SEPTIN9: variants seen among roughly 807,000 people sequenced by gnomAD.
SEPTIN9 encodes the protein septin 9.
A neutral mutation model predicts 56.6 loss-of-function variants in SEPTIN9; 13 were observed. The ratio of observed to expected loss-of-function variants is 0.23; its 90% CI spans 0.15 to 0.37. The LOEUF is 0.37. Ranked by LOEUF, SEPTIN9 falls within the 10% of genes least tolerant of loss-of-function variation. The pLI, the probability that SEPTIN9 is intolerant of heterozygous loss-of-function variation, is 1.00. For missense variants in SEPTIN9, 650 were observed against 823.1 expected (o/e 0.79, Z 2.57); for synonymous variants, 332 against 334.1 (o/e 0.99, Z 0.07).
In SEPTIN9 at chr17:77,389,369, T is replaced by A. The variant is rs774610115; in HGVS notation, c.77-12690T>A. Among the ~76,000 whole-genome samples, 1 of 152,074 alleles carries A rather than the reference T, an allele frequency of 6.6e-6. No homozygotes were observed. Among genetic ancestry groups the A allele is most frequent in the Non-Finnish European group, 1.5e-5 (1 of 67,990 alleles). ...GCATCACGTTTCTCTGTCTCCAGAA[T>A]CGAGGACGGAGAGCTGCCAGAGAGG... On this transcript the variant is annotated intron_variant, in intron 2 of 11. Coordinates refer to ENST00000427177, the MANE Select transcript of SEPTIN9 (RefSeq NM_001113491.2). The surrounding 1 kb of genome is among the most constrained non-coding windows in gnomAD (Gnocchi z 4.3).
intron 2 of SEPTIN9, among the ~76,000 whole-genome samples, chr17:77,309,886 C>T (rs1404066405): frequency 6.6e-6 from 1 of 152,232 alleles, no homozygotes; most frequent in African/African-American, 2.4e-5. Flanking sequence ...ATCCTAGCCC[C>T]ACTCCTGCTG....
At position 77,389,419 on chromosome 17, in the gene SEPTIN9, C is replaced by A. The variant is rs1353497340; in HGVS notation, c.77-12640C>A. The stretch of plus-strand genomic sequence containing the variant: ...GCCCTGGCGGGGTGTCTGGGGCCAC[C>A]TAAAGGGCGTGGGTGGATTAAAGCT... On this transcript the variant is annotated intron_variant, in intron 2 of 11. Coordinates refer to ENST00000427177, the MANE Select transcript of SEPTIN9 (RefSeq NM_001113491.2). The surrounding 1 kb of genome is among the most constrained non-coding windows in gnomAD (Gnocchi z 4.3). Among the ~76,000 whole-genome samples, 1 of 151,640 alleles carries A rather than the reference C, an allele frequency of 6.6e-6. No homozygotes were observed. The highest frequency in any genetic ancestry group is 2.4e-5 in the African/African-American group (1 of 41,238).
chr17:77,482,233 A>G lies in SEPTIN9; in HGVS notation c.811A>G (p.Lys271Glu). 6.2e-7 allele frequency: 1 copy of G among 1,612,980 alleles called. No individual in the cohort carries two copies. The highest frequency in any genetic ancestry group is 1.3e-5 in the African/African-American group (1 of 75,058). The change falls in exon 4 of 12, where the codon AAG (lysine) becomes GAG (glutamate). Residue 271 changes from lysine to glutamate, a missense_variant. Physicochemically the swap from Lys to Glu is moderately conservative, Grantham distance 56. Around this residue, in one of 2 missense-constraint regions of SEPTIN9, gnomAD observed 333 missense variants for 494.0 expected, o/e 0.67. Transcript: ENST00000427177. ...GCAGGCGCCTGCATCACGGAACGAG[A>G]AGGCCCCGGTGGACTTCGGCTACGT... Reference protein sequence around the residue: ...LKQAPASRNEKAPVDFGYVGI... With the variant: ...LKQAPASRNEEAPVDFGYVGI...
intron 3 of SEPTIN9, among the ~76,000 whole-genome samples, chr17:77,464,689 C>T (rs2038633087): frequency 6.6e-6 from 1 of 152,060 alleles, no homozygotes; most frequent in Non-Finnish European, 1.5e-5. Flanking sequence ...CAAGCTTCGC[C>T]TCCCAGGTTC....
At chr17:77,289,381 G>A (rs2031428688) in intron 1 of SEPTIN9, among the ~76,000 whole-genome samples, 1 of 150,150 alleles carries the variant, frequency 6.7e-6, no homozygotes, top group Non-Finnish European at 1.5e-5. Context: ...ACAGGCATGA[G>A]CTACCGCGCC....
intron 1 of SEPTIN9, among the ~76,000 whole-genome samples, chr17:77,284,740 C>G (rs1449641542): frequency 6.6e-6 from 1 of 152,156 alleles, no homozygotes; most frequent in Non-Finnish European, 1.5e-5. Context: ...AGTGATTCTC[C>G]TGCCTCAGCC....
At chr17:77,497,718 G>A (rs1236127971) in intron 11 of SEPTIN9, 9 of 408,704 alleles carry the variant, frequency 2.2e-5, no homozygotes, top group Middle Eastern at 7.5e-4. Flanking sequence ...CTCCAGCTCC[G>A]ATCCCACTGG....
intron 3 of SEPTIN9, among the ~76,000 whole-genome samples, chr17:77,410,975 C>T (rs770718254): frequency 6.6e-6 from 1 of 151,916 alleles, no homozygotes; most frequent in Non-Finnish European, 1.5e-5. Context: ...GTCCCAGCTG[C>T]TTGGGAGGCT....
chr17:77,328,094 G>GCCCAGGGTGTCCCCGTA (rs1163455891), intron 2 of SEPTIN9, among the ~76,000 whole-genome samples: 1 of 148,196 alleles, frequency 6.7e-6, no homozygotes, highest in Non-Finnish European at 1.5e-5. Flanking sequence ...GCATCCCCAT[G>GCCCAGGGTGTCCCCGTA]CCCAGGGTGT....
chr17:77,441,972 T>C (rs951387235), intron 3 of SEPTIN9: 1 of 152,122 alleles, frequency 6.6e-6, no homozygotes, highest in African/African-American at 2.4e-5. Context: ...TCTACCCTCT[T>C]AGGTTCAGTG....
chr17:77,482,319 C>A lies in SEPTIN9; in HGVS notation c.897C>A (p.Phe299Leu). 6.2e-7 allele frequency: 1 copy of A among 1,612,712 alleles called. No homozygotes were observed. Among genetic ancestry groups the A allele is most frequent in the East Asian group, 2.2e-5 (1 of 44,878 alleles). ...AGGCCATGAAGCAGGGCTTCGAGTT[C>A]AACATCATGGTGGTCGGTGAGTCCT... The part of the protein sequence containing the change: ...RRKAMKQGFE[F>L]NIMVVGQSGL... The change falls in exon 4 of 12, where the codon TTC (phenylalanine) becomes TTA (leucine). Residue 299 changes from phenylalanine to leucine, a missense_variant. By Grantham distance (22) the Phe-to-Leu change is conservative. Around this residue, in one of 2 missense-constraint regions of SEPTIN9, gnomAD observed 333 missense variants for 494.0 expected, o/e 0.67. Coordinates refer to ENST00000427177, the MANE Select transcript of SEPTIN9 (RefSeq NM_001113491.2).
rs1215085220 is a variant in SEPTIN9, at chr17:77,402,568, G to A, written c.586G>A (p.Ala196Thr). The stretch of plus-strand genomic sequence containing the variant: ...GGTGGAGATCCAGATGCCCAAGCCT[G>A]CTGAGGCGCCCACCGCCCCCAGCCC... ...KRVEIQMPKP[A>T]EAPTAPSPAQ... Residue 196 changes from alanine to threonine, a missense_variant, in exon 3 of 12, where the codon GCT becomes ACT. Ala to Thr is a moderately conservative substitution (Grantham distance 58). Coordinates refer to ENST00000427177, the MANE Select transcript of SEPTIN9 (RefSeq NM_001113491.2). This position sits in a 1 kb window ranked among gnomAD's most constrained non-coding sequence, Gnocchi z 6.6. 6.2e-7 allele frequency: 1 copy of A among 1,611,086 alleles called. No individual in the cohort carries two copies. Among genetic ancestry groups the A allele is most frequent in the Non-Finnish European group, 8.5e-7 (1 of 1,178,998 alleles).
intron 2 of SEPTIN9, among the ~76,000 whole-genome samples, chr17:77,397,724 A>G (rs2035767119): frequency 6.6e-6 from 1 of 152,106 alleles, no homozygotes. Context: ...ATCTGGGCTC[A>G]CTGCAACCTC....
At chr17:77,292,714 G>T (rs1268637250) in intron 1 of SEPTIN9, among the ~76,000 whole-genome samples, 1 of 152,006 alleles carries the variant, frequency 6.6e-6, no homozygotes, top group East Asian at 1.9e-4. Flanking sequence ...GGCTGGTCTC[G>T]AACTCTTGAC....
chr17:77,481,166 C>G (rs2039439953), intron 3 of SEPTIN9, among the ~76,000 whole-genome samples: 1 of 152,240 alleles, frequency 6.6e-6, no homozygotes, highest in African/African-American at 2.4e-5. Context: ...GCGTCCGCCC[C>G]CAGCCCCAGG....
chr17:77,421,171 C>G lies in SEPTIN9; in HGVS notation c.721+18468C>G, dbSNP rs1194733560. ...TTGGCTGGATGCCAGGAGCCCGAGA[C>G]CTTCCAGCTCTTTCCTGTGTAAGGC... On this transcript the variant is annotated intron_variant, in intron 3 of 11. Transcript: ENST00000427177. This position sits in a 1 kb window ranked among gnomAD's most constrained non-coding sequence, Gnocchi z 4.6. Among the ~76,000 whole-genome samples, 4 of 152,174 alleles carry G rather than the reference C, an allele frequency of 2.6e-5. No homozygotes were observed. Among genetic ancestry groups the G allele is most frequent in the African/African-American group, 4.8e-5 (2 of 41,430 alleles).
At chr17:77,305,909 GGGGTGGGTGGGT>G (rs879943896) in intron 1 of SEPTIN9, among the ~76,000 whole-genome samples, 1 of 101,104 alleles carries the variant, frequency 9.9e-6, no homozygotes, top group Non-Finnish European at 2.0e-5. Flanking sequence ...GGTGGGTGGG[GGGGTGGGTGGGT>G]GGGTGGATGG....
chr17:77,354,842 G>A (rs1198580684), intron 2 of SEPTIN9, among the ~76,000 whole-genome samples: 1 of 152,070 alleles, frequency 6.6e-6, no homozygotes, highest in South Asian at 2.1e-4. Flanking sequence ...ACCCCTGGCC[G>A]GTGCTGGGCG....
At chr17:77,488,357 G>A (rs1397862835) in intron 6 of SEPTIN9, 36 bp downstream of exon 6, 4 of 1,569,128 alleles carry the variant, frequency 2.5e-6, no homozygotes, top group Admixed American at 3.3e-5. Context: ...ACTAGCGGGG[G>A]CTTCAGGGCT....
Sources: allele counts gnomAD v4.1 joint callset (sites outside exome capture counted in the v4.1 genomes callset), GRCh38; gene constraint gnomAD v4.1.1; regional missense constraint gnomAD v4.1.1; non-coding constraint Gnocchi (gnomAD v3.1); transcripts MANE v1.5; gene names NCBI Gene and HGNC (gene_info 2026-07-23, HGNC 2026-07-21).